Variants in CEP85L observed in about 807,000 individuals in gnomAD.
CEP85L encodes the protein centrosomal protein of 85 kDa-like.
CEP85L carries 60 observed loss-of-function variants against 100.3 expected under a neutral mutation model. The ratio of observed to expected loss-of-function variants is 0.60; its 90% CI spans 0.49 to 0.74. CEP85L has a LOEUF of 0.74. Among genes scored for constraint, CEP85L ranks in the 30% least tolerant of loss-of-function variants. CEP85L has a pLI of 0.00. For missense variants in CEP85L, 973 were observed against 936.2 expected (o/e 1.04, Z -0.51); for synonymous variants, 319 against 322.7 (o/e 0.99, Z 0.12).
intron 1 of CEP85L, among the ~76,000 whole-genome samples, chr6:118,706,467 G>C (rs948302196): frequency 6.6e-5 from 10 of 152,278 alleles, no homozygotes; most frequent in Non-Finnish European, 1.5e-5. Context: ...TTTCTTTCTA[G>C]AATCTAGCCC....
At chr6:118,675,655 T>C (rs777241735) in intron 1 of CEP85L, among the ~76,000 whole-genome samples, 41 of 151,554 alleles carry the variant, frequency 2.7e-4, no homozygotes, top group Non-Finnish European at 5.3e-4. Context: ...GTAAACCCAG[T>C]GCTTTGGGAG....
At chr6:118,561,901 T>G (rs1054340488) in intron 3 of CEP85L, among the ~76,000 whole-genome samples, 1 of 152,192 alleles carries the variant, frequency 6.6e-6, no homozygotes, top group Admixed American at 6.5e-5. Context: ...ATAGCGATTA[T>G]TTATCTTTTG....
chr6:118,607,893 C>T (rs1342365844), intron 2 of CEP85L, among the ~76,000 whole-genome samples: 4 of 152,104 alleles, frequency 2.6e-5, no homozygotes, highest in Admixed American at 2.6e-4. Context: ...CAGTATAGTC[C>T]CTTCTATGGT....
At chr6:118,640,400 T>A (rs902724023) in intron 1 of CEP85L, among the ~76,000 whole-genome samples, 1 of 152,214 alleles carries the variant, frequency 6.6e-6, no homozygotes, top group South Asian at 2.1e-4. Context: ...TTATTAGCAG[T>A]AAGTCCTCAT....
upstream of CEP85L, chr6:118,652,608 T>A (rs892963882): frequency 4.0e-6 from 6 of 1,511,094 alleles, no homozygotes; most frequent in Admixed American, 1.3e-4. Flanking sequence ...GCCTCATATT[T>A]GCATTTTTCC....
At chr6:118,549,981 C>A (rs541599379) in intron 3 of CEP85L, among the ~76,000 whole-genome samples, 1 of 151,850 alleles carries the variant, frequency 6.6e-6, no homozygotes, top group South Asian at 2.1e-4. Flanking sequence ...TTCATCTATA[C>A]CTTAAGGTGC....
At chr6:118,679,992 A>G (rs1490831218) in intron 1 of CEP85L, among the ~76,000 whole-genome samples, 1 of 152,052 alleles carries the variant, frequency 6.6e-6, no homozygotes, top group Admixed American at 6.6e-5. Flanking sequence ...TGGCATTAAA[A>G]AAAAAAAAGA....
rs1433670979 is a variant in CEP85L at position 118,527,267 on chromosome 6, A to G, written c.1021-3347T>C. ...TGATCTGCCCGATTCGGCTTCCCAA[A>G]GTGCTGGGATTACAGGCATGAGCCA... is the stretch of plus-strand genomic sequence containing the variant. On this transcript the variant is annotated intron_variant, in intron 3 of 12. Coordinates refer to ENST00000368491, the MANE Select transcript of CEP85L (RefSeq NM_001042475.3). 2.0e-5 allele frequency among the ~76,000 whole-genome samples: 3 copies of G among 151,900 alleles called. No individual in the cohort carries two copies. The East Asian group carries it at 5.8e-4, about 29-fold the overall frequency.
intron 1 of CEP85L, among the ~76,000 whole-genome samples, chr6:118,662,602 T>G (rs904876950): frequency 1.3e-5 from 2 of 151,572 alleles, no homozygotes; most frequent in Non-Finnish European, 2.9e-5. Flanking sequence ...AAATGAGTCA[T>G]AGAGAGGTGC....
At chr6:118,552,603 C>T (rs10457339) in intron 3 of CEP85L, among the ~76,000 whole-genome samples, 4,379 of 151,460 alleles carry the variant, frequency 0.029, 104 homozygotes, top group African/African-American at 0.056. Context: ...TGCCTAATGG[C>T]TTTTCTATTT....
chr6:118,558,626 TACACACACACACACACACAC>T (rs371775061), intron 3 of CEP85L, among the ~76,000 whole-genome samples: 1 of 111,604 alleles, frequency 9.0e-6, no homozygotes, highest in Non-Finnish European at 1.9e-5. Flanking sequence ...CACGTGCACA[TACACACACACACACACACAC>T]ACACACACAC....
rs748223615 is a variant in CEP85L, at chr6:118,469,321, A to G, written c.2023-18T>C. The G allele has an allele frequency of 1.4e-5, 22 of 1,585,244 alleles. No homozygotes were observed. In the African/African-American group the frequency reaches 2.6e-4, roughly 18 times the overall value. ...CTTTGGTTCTGCAAGGATAAAGAAA[A>G]CAAACATCAGATTGTTAGAACAGAG... is the stretch of plus-strand genomic sequence containing the variant. On this transcript the variant is annotated intron_variant, in intron 11 of 12. Transcript: ENST00000368491.
intron 1 of CEP85L, among the ~76,000 whole-genome samples, chr6:118,673,986 A>T (rs552158545): frequency 2.0e-5 from 3 of 152,360 alleles, no homozygotes; most frequent in Non-Finnish European, 4.4e-5. Flanking sequence ...ATTACACCAT[A>T]TGCACACCAT....
At chr6:118,679,764 T>C (rs1776592419) in intron 1 of CEP85L, among the ~76,000 whole-genome samples, 1 of 152,198 alleles carries the variant, frequency 6.6e-6, no homozygotes. Flanking sequence ...GGGCCTGACA[T>C]GGCCTGCAAA....
At chr6:118,469,419 A>G in intron 11 of CEP85L, 116 bp from the exon 12 acceptor site, 1 of 718,740 alleles carries the variant, frequency 1.4e-6, no homozygotes, top group East Asian at 2.6e-5. Flanking sequence ...GTCATATTAT[A>G]TGCACATTAA....
intron 2 of CEP85L, among the ~76,000 whole-genome samples, chr6:118,593,263 A>G (rs1347532703): frequency 6.6e-6 from 1 of 151,994 alleles, no homozygotes. Flanking sequence ...TAGATGTATG[A>G]CTCTGTGAAT....
chr6:118,551,486 G>T (rs183691820), intron 3 of CEP85L, among the ~76,000 whole-genome samples: 12 of 151,490 alleles, frequency 7.9e-5, no homozygotes, highest in African/African-American at 2.4e-4. Context: ...GGGTTAAGAA[G>T]AATATTTTAC....
chr6:118,617,111 A>C (rs1261531927), intron 2 of CEP85L, among the ~76,000 whole-genome samples: 1 of 152,178 alleles, frequency 6.6e-6, no homozygotes, highest in African/African-American at 2.4e-5. Flanking sequence ...GTGAGAGGTG[A>C]TGCCAGCTGG....
At chr6:118,620,836 G>C (rs1773389410) in intron 2 of CEP85L, among the ~76,000 whole-genome samples, 1 of 152,160 alleles carries the variant, frequency 6.6e-6, no homozygotes, top group African/African-American at 2.4e-5. Context: ...CTCCTCAGCT[G>C]CAACTGGGAG....
Sources: allele counts gnomAD v4.1 joint callset (sites outside exome capture counted in the v4.1 genomes callset), GRCh38; gene constraint gnomAD v4.1.1; transcripts MANE v1.5; gene names NCBI Gene and HGNC (gene_info 2026-07-23, HGNC 2026-07-21).